The following HSPA12B variants were observed in gnomAD, a reference collection of about 807,000 sequenced individuals.
HSPA12B encodes the protein heat shock protein family A (Hsp70) member 12B.
A neutral mutation model predicts 69.3 loss-of-function variants in HSPA12B; 54 were observed. The observed-to-expected ratio is 0.78, with a 90% confidence interval of 0.63 to 0.98. The LOEUF (loss-of-function observed/expected upper bound fraction) is 0.98. HSPA12B is among the 50% of genes least tolerant of loss of function. HSPA12B has a pLI of 0.00. For missense variants in HSPA12B, 929 were observed against 999.8 expected, an observed-to-expected ratio of 0.93 and a Z score of 0.96; for synonymous variants, 441 against 436.5, an observed-to-expected ratio of 1.01 and a Z score of -0.13.
intron 11 of HSPA12B, 24 bp from the exon 12 acceptor site, chr20:3,750,780 A>C: frequency 6.2e-7 from 1 of 1,613,428 alleles, no homozygotes; most frequent in Non-Finnish European, 8.5e-7. Flanking sequence ...ACCGATGGAT[A>C]TTTGCCCCTT....
chr20:3,744,965 T>C lies in HSPA12B; in HGVS notation c.330T>C (p.Thr110=). ...HQKTPTCLLL[T]PEGAFHSFGY... is the part of the protein sequence containing the mutation. The stretch of plus-strand genomic sequence containing the variant: ...AGACCCCGACCTGCCTGCTGCTGAC[T>C]CCGGAGGGCGCCTTCCACAGCTTTG... Residue 110 remains threonine (T), a synonymous_variant, in exon 5 of 13, where the codon ACT becomes ACC. Transcript: ENST00000254963. This position sits in a 1 kb window ranked among gnomAD's most constrained non-coding sequence, Gnocchi z 4.9. The C allele has an allele frequency of 6.2e-7, 1 of 1,613,874 alleles. No individual in the cohort carries two copies. The highest frequency in any genetic ancestry group is 2.2e-5 in the East Asian group (1 of 44,868).
At chr20:3,739,706 G>T (rs1445095522) in intron 2 of HSPA12B, among the ~76,000 whole-genome samples, 2 of 152,172 alleles carry the variant, frequency 1.3e-5, no homozygotes, top group Non-Finnish European at 2.9e-5. Context: ...CCTCATGCCT[G>T]GCCCTTCGCC....
chr20:3,741,526 G>A (rs1161179807), intron 3 of HSPA12B, among the ~76,000 whole-genome samples: 1 of 152,132 alleles, frequency 6.6e-6, no homozygotes, highest in Non-Finnish European at 1.5e-5. Flanking sequence ...CCAGCTACTC[G>A]GGAGGCTGAG....
At chr20:3,747,124 G>C (rs554217538) in intron 7 of HSPA12B, among the ~76,000 whole-genome samples, 4 of 152,250 alleles carry the variant, frequency 2.6e-5, no homozygotes, top group African/African-American at 9.6e-5. Context: ...CAAGGAGTTG[G>C]GGGGGGCTCC....
intron 12 of HSPA12B, 80 bp downstream of exon 12, chr20:3,750,987 G>C: frequency 8.4e-7 from 1 of 1,195,458 alleles, no homozygotes; most frequent in Non-Finnish European, 1.2e-6. Flanking sequence ...TCAGTGCCTA[G>C]ATACCTCCAC....
intron 11 of HSPA12B, chr20:3,750,555 C>A: frequency 5.3e-6 from 3 of 570,838 alleles, no homozygotes; most frequent in Non-Finnish European, 6.6e-6. Context: ...TGCACCAAAG[C>A]AAGGGGAGGC....
intron 4 of HSPA12B, among the ~76,000 whole-genome samples, chr20:3,743,809 G>A (rs2088250205): frequency 6.6e-6 from 1 of 151,828 alleles, no homozygotes; most frequent in Admixed American, 6.6e-5. Flanking sequence ...CAATCTCCAT[G>A]GGGTAGATTC....
chr20:3,740,791 T>A lies in HSPA12B; in HGVS notation c.44-24T>A, dbSNP rs1434632866. 3.7e-6 allele frequency: 6 copies of A among 1,603,996 alleles called. No individual in the cohort carries two copies. The African/African-American group carries it at 5.4e-5, about 14-fold the overall frequency. On this transcript the variant is annotated intron_variant, in intron 2 of 12. Transcript: ENST00000254963. This position sits in a 1 kb window ranked among gnomAD's most constrained non-coding sequence, Gnocchi z 4.9. ...CATACCTACCCTGCTTGTGCCAGGA[T>A]GAACTGCCGTCTCTTCTCTGCAGGC... is the stretch of plus-strand genomic sequence containing the variant.
chr20:3,750,150 C>G lies in HSPA12B; in HGVS notation c.1224C>G (p.Ile408Met). 8 of 1,611,696 alleles carry G rather than the reference C, an allele frequency of 5.0e-6. No homozygotes were observed. Among genetic ancestry groups the G allele is most frequent in the South Asian group, 1.1e-5 (1 of 90,894 alleles). ...CACACCGTGCAGGGGCGCTCAACAT[C>G]TCGCTGCCCTTCTCCTTCATTGACT... ...AGPHRAGALN[I>M]SLPFSFIDFY... Residue 408 changes from isoleucine to methionine, a missense_variant, in exon 11 of 13, where the codon ATC (isoleucine) becomes ATG (methionine). By Grantham distance (10) the Ile-to-Met change is conservative. Around this residue, in one of 3 missense-constraint regions of HSPA12B, gnomAD observed 448 missense variants for 448.1 expected, o/e 1.00. Transcript: ENST00000254963.
In HSPA12B at chr20:3,750,861, G is replaced by A. The variant is rs774935207; in HGVS notation, c.1359G>A (p.Met453Ile). ...QGMLRMSCEA[M>I]NELFQPTVSG... Reference sequence around the variant, plus strand: ...TGCTCCGAATGTCTTGTGAAGCCATGAACGAGCTCTTTCAGCCCACCGTCA... The same window carrying A: ...TGCTCCGAATGTCTTGTGAAGCCATAAACGAGCTCTTTCAGCCCACCGTCA... Residue 453 changes from methionine to isoleucine, a missense_variant, in exon 12 of 13, where the codon ATG (methionine) becomes ATA (isoleucine). This residue lies in a region of HSPA12B where 448 missense variants were observed against 448.1 expected (regional missense o/e 1.00). Transcript: ENST00000254963. The A allele has an allele frequency of 6.2e-7, 1 of 1,613,910 alleles. No individual in the cohort carries two copies. The highest frequency in any genetic ancestry group is 8.5e-7 in the Non-Finnish European group (1 of 1,180,038).
chr20:3,752,305 T>G lies in HSPA12B; in HGVS notation c.*139T>G. ...CCACGCCCTCCAGCCCCGGGGGAGA[T>G]AAGGTCATGGGAGAGTGGGTGGGGA... On this transcript the variant is annotated 3_prime_UTR_variant, in exon 13 of 13. Transcript: ENST00000254963. The G allele has an allele frequency of 1.2e-6, 1 of 847,476 alleles. No homozygotes were observed. Among genetic ancestry groups the G allele is most frequent in the Non-Finnish European group, 1.7e-6 (1 of 593,422 alleles). 52.5% of individuals were successfully genotyped at this position (847,476 alleles called of 1,614,324 possible).
Position 3,749,405 on chromosome 20 carries a change from G to A in HSPA12B, c.937+87G>A, listed in dbSNP as rs547992664. 18 of 1,220,612 alleles carry A rather than the reference G, an allele frequency of 1.5e-5. No individual in the cohort carries two copies. In the Admixed American group the frequency reaches 3.6e-4, roughly 24 times the overall value. 75.6% of individuals were successfully genotyped at this position (1,220,612 alleles called of 1,614,324 possible). On this transcript the variant is annotated intron_variant, in intron 9 of 12. Coordinates refer to ENST00000254963, the MANE Select transcript of HSPA12B (RefSeq NM_052970.5). The surrounding 1 kb of genome is among the most constrained non-coding windows in gnomAD (Gnocchi z 5.5). ...GGGGAAGGGCATGTTTGCAAAGCCC[G>A]TCTCTTCCTCCTCCATTCGCTGTAC... is the stretch of plus-strand genomic sequence containing the variant.
In HSPA12B at chr20:3,750,093, C is replaced by A; in HGVS notation, c.1167C>A (p.Ile389=). The A allele has an allele frequency of 2.5e-6, 4 of 1,612,348 alleles. No homozygotes were observed. Among genetic ancestry groups the A allele is most frequent in the South Asian group, 2.2e-5 (2 of 90,972 alleles). The part of the protein sequence containing the change: ...QRPAAWVDLT[I]AFEARKRTAG... ...CGGCAGCCTGGGTAGATCTGACCAT[C>A]GCCTTCGAGGCTCGCAAGCGCACTG... The change falls in exon 11 of 13, where the codon ATC becomes ATA. Residue 389 remains isoleucine, a synonymous_variant. Coordinates refer to ENST00000254963, the MANE Select transcript of HSPA12B (RefSeq NM_052970.5).
At chr20:3,746,469 A>AT (rs1478107357) in intron 7 of HSPA12B, among the ~76,000 whole-genome samples, 1 of 151,692 alleles carries the variant, frequency 6.6e-6, no homozygotes, top group Non-Finnish European at 1.5e-5. Flanking sequence ...CGCCCGGCTA[A>AT]TTTTTTGTAT....
rs755874590 is a variant in HSPA12B, at chr20:3,750,227, G to A, written c.1301G>A (p.Ser434Asn). The A allele has an allele frequency of 1.3e-6, 2 of 1,591,404 alleles. No homozygotes were observed. The highest frequency in any genetic ancestry group is 2.3e-5 in the East Asian group (1 of 44,230). The change falls in exon 11 of 13, where the codon AGC becomes AAC. Residue 434 changes from serine (S) to asparagine (N), a missense_variant and splice_region_variant. Ser to Asn is a conservative substitution (Grantham distance 46). Around this residue, in one of 3 missense-constraint regions of HSPA12B, gnomAD observed 448 missense variants for 448.1 expected, o/e 1.00. Transcript: ENST00000254963. The part of the protein sequence containing the change: ...HNVETALRRS[S>N]VNFVKWSSQG... ...GTGGAGACCGCTCTGCGCAGGAGCA[G>A]GTGGGTCCTGAGCCCGCGGGCTCAG... is the stretch of plus-strand genomic sequence containing the variant.
At position 3,740,028 on chromosome 20, in the gene HSPA12B, C is replaced by T. The variant is rs1376335056; in HGVS notation, c.44-787C>T. On this transcript the variant is annotated intron_variant, in intron 2 of 12. Transcript: ENST00000254963. This position sits in a 1 kb window ranked among gnomAD's most constrained non-coding sequence, Gnocchi z 4.9. The stretch of plus-strand genomic sequence containing the variant: ...AAGCCGCCTGATCCTCGGGGCGAGG[C>T]CTGGGGCTGTCCTCCAGGGCTACTC... Among the ~76,000 whole-genome samples the T allele has an allele frequency of 1.3e-5, 2 of 152,186 alleles. No homozygotes were observed. The highest frequency in any genetic ancestry group is 4.8e-5 in the African/African-American group (2 of 41,462).
Position 3,732,702 on chromosome 20 carries a change from G to T in HSPA12B, c.-110G>T, listed in dbSNP as rs1302323785. ...GAGGCCTCAGGGCCGGGCGCACGTC[G>T]AGGGCTGCGGCCGCCGCAGCGGGCA... On this transcript the variant is annotated 5_prime_UTR_variant, in exon 1 of 13. Coordinates refer to ENST00000254963, the MANE Select transcript of HSPA12B (RefSeq NM_052970.5). 2.0e-5 allele frequency: 3 copies of T among 151,474 alleles called. No individual in the cohort carries two copies. Among genetic ancestry groups the T allele is most frequent in the South Asian group, 3.7e-4 (2 of 5,420 alleles). 9.4% of individuals were successfully genotyped at this position (151,474 alleles called of 1,614,324 possible).
rs2088175906 is a variant in HSPA12B at position 3,740,213 on chromosome 20, G to C, written c.44-602G>C. Among the ~76,000 whole-genome samples the C allele has an allele frequency of 6.6e-6, 1 of 152,088 alleles. No individual in the cohort carries two copies. The highest frequency in any genetic ancestry group is 1.5e-5 in the Non-Finnish European group (1 of 67,992). The stretch of plus-strand genomic sequence containing the variant: ...TGTGGACACCCCCAGTTCAGGACTG[G>C]GCTATCTCTATGGGTGTGGGAGGAG... On this transcript the variant is annotated intron_variant, in intron 2 of 12. Transcript: ENST00000254963. This position sits in a 1 kb window ranked among gnomAD's most constrained non-coding sequence, Gnocchi z 4.9.
At position 3,745,353 on chromosome 20, in the gene HSPA12B, T is replaced by C; in HGVS notation, c.454-140T>C. 1 of 702,208 alleles carries C rather than the reference T, an allele frequency of 1.4e-6. No homozygotes were observed. Among genetic ancestry groups the C allele is most frequent in the African/African-American group, 1.8e-5 (1 of 56,952 alleles). The allele number at this position is 702,208 out of a possible 1,614,324, so 43.5% of individuals were successfully genotyped here. On this transcript the variant is annotated intron_variant, in intron 5 of 12. Transcript: ENST00000254963. The surrounding 1 kb of genome is among the most constrained non-coding windows in gnomAD (Gnocchi z 5.6). The stretch of plus-strand genomic sequence containing the variant: ...CTAAGGAGAGGGGTCGGGGCAGAGC[T>C]AATGTCACATGGGGCAAGAGTGGGA...
Sources: allele counts gnomAD v4.1 joint callset (sites outside exome capture counted in the v4.1 genomes callset), GRCh38; gene constraint gnomAD v4.1.1; regional missense constraint gnomAD v4.1.1; non-coding constraint Gnocchi (gnomAD v3.1); transcripts MANE v1.5; gene names NCBI Gene and HGNC (gene_info 2026-07-23, HGNC 2026-07-21).